The following SLC39A5 variants were observed in gnomAD, a reference collection of about 807,000 sequenced individuals.
SLC39A5 encodes solute carrier family 39 member 5.
A neutral mutation model predicts 46.9 loss-of-function variants in SLC39A5; 42 were observed. The ratio of observed to expected loss-of-function variants is 0.90; its 90% confidence interval spans 0.70 to 1.16. SLC39A5 has a LOEUF of 1.16. Among genes scored for constraint, SLC39A5 ranks in the 50% most tolerant of loss-of-function variants. The pLI, the probability that SLC39A5 is intolerant of heterozygous loss-of-function variation, is 0.00. For synonymous variants in SLC39A5, 311 were observed against 323.1 expected, an observed-to-expected ratio of 0.96 and a Z score of 0.40; for missense variants, 677 against 686.8, an observed-to-expected ratio of 0.99 and a Z score of 0.16.
rs1171563863 is a variant in SLC39A5 at position 56,231,173 on chromosome 12, C to T, written c.-71-31C>T. The T allele has an allele frequency of 9.0e-6, 12 of 1,329,434 alleles. No individual in the cohort carries two copies. In the African/African-American group the frequency reaches 1.0e-4, roughly 11 times the overall value. The allele number at this position is 1,329,434 out of a possible 1,614,324, so 82.4% of individuals were successfully genotyped here. A position where few individuals can be genotyped will look rare whatever the true frequency, so the allele number is the denominator to read the frequency against. The stretch of plus-strand genomic sequence containing the variant: ...CATGGACCTGAGCTGGAGAGCAGAG[C>T]GCAGCTCCAGCCCATTCCTCATTCT... On this transcript the variant is annotated intron_variant, in intron 3 of 12. Transcript: ENST00000454355.
intron 4 of SLC39A5, among the ~76,000 whole-genome samples, chr12:56,231,832 C>G (rs950662172): frequency 2.0e-5 from 3 of 152,056 alleles, no homozygotes; most frequent in Admixed American, 2.0e-4. Context: ...CTGAAGCCAT[C>G]CTCCCACCTC....
chr12:56,236,840 G>A (rs1186054909), intron 10 of SLC39A5, 91 bp from the exon 11 acceptor site: 8 of 1,586,016 alleles, frequency 5.0e-6, no homozygotes, highest in Non-Finnish European at 6.9e-6. Flanking sequence ...CAGGAAGATG[G>A]GGAGAGGACG....
In SLC39A5 at chr12:56,237,760, C is replaced by T; in HGVS notation, c.*29C>T. ...GGCCAGTGGAAAGGGGTCGGGTTGCCCTTCCTTCCCCCCAACCACAGGAAT... is the reference window on the plus strand; with the variant it reads ...GGCCAGTGGAAAGGGGTCGGGTTGCTCTTCCTTCCCCCCAACCACAGGAAT... On this transcript the variant is annotated 3_prime_UTR_variant, in exon 13 of 13. Coordinates refer to ENST00000454355, the MANE Select transcript of SLC39A5 (RefSeq NM_173596.3). The T allele has an allele frequency of 6.6e-7, 1 of 1,507,506 alleles. No homozygotes were observed. Among genetic ancestry groups the T allele is most frequent in the South Asian group, 1.3e-5 (1 of 74,588 alleles). The allele number at this position is 1,507,506 out of a possible 1,614,324, so 93.4% of individuals were successfully genotyped here.
Position 56,237,789 on chromosome 12 carries a change from G to A in SLC39A5, c.*58G>A. 4 of 1,497,472 alleles carry A rather than the reference G, an allele frequency of 2.7e-6. No individual in the cohort carries two copies. Among genetic ancestry groups the A allele is most frequent in the Non-Finnish European group, 3.6e-6 (4 of 1,125,538 alleles). The allele number at this position is 1,497,472 out of a possible 1,614,324, so 92.8% of individuals were successfully genotyped here. A position where few individuals can be genotyped will look rare whatever the true frequency, so the allele number is the denominator to read the frequency against. ...CCTTCCCCCCAACCACAGGAATGGA[G>A]GCGGGACACAGGGCCAGTAGGAGCA... On this transcript the variant is annotated 3_prime_UTR_variant, in exon 13 of 13. Coordinates refer to ENST00000454355, the MANE Select transcript of SLC39A5 (RefSeq NM_173596.3).
intron 4 of SLC39A5, among the ~76,000 whole-genome samples, chr12:56,232,031 C>T (rs1375174751): frequency 3.3e-5 from 5 of 152,198 alleles, no homozygotes; most frequent in South Asian, 4.1e-4. Context: ...CACCCTAGCC[C>T]TCCGTTGCCT....
intron 5 of SLC39A5, among the ~76,000 whole-genome samples, chr12:56,233,483 A>T (rs1370304088): frequency 1.3e-5 from 2 of 151,864 alleles, no homozygotes; most frequent in African/African-American, 2.4e-5. Flanking sequence ...AAAAATAAAA[A>T]AAAAATATCT....
intron 8 of SLC39A5, 87 bp downstream of exon 8, chr12:56,235,787 G>A: frequency 6.4e-7 from 1 of 1,565,226 alleles, no homozygotes; most frequent in Non-Finnish European, 8.7e-7. Context: ...GCTCACGCCT[G>A]TAATCCCAGC....
At position 56,235,258 on chromosome 12, in the gene SLC39A5, C is replaced by T. The variant is rs1212507813; in HGVS notation, c.736C>T (p.Leu246=). ...LLGPRLLRPL[L]GFLGALAVGT... ...GGGACCTCGTCTACTACGGCCCTTG[C>T]TGGGCTTCCTGGGGGCCCTGGCGGT... The change falls in exon 7 of 13, where the codon CTG becomes TTG. Residue 246 remains leucine (L), a synonymous_variant. Transcript: ENST00000454355. 1.3e-6 allele frequency: 2 copies of T among 1,575,624 alleles called. No homozygotes were observed. Among genetic ancestry groups the T allele is most frequent in the Admixed American group, 3.8e-5 (2 of 53,182 alleles).
At chr12:56,233,031 G>A (rs183098441) in intron 5 of SLC39A5, among the ~76,000 whole-genome samples, 159 bp downstream of exon 5, 85 of 152,228 alleles carry the variant, frequency 5.6e-4, no homozygotes, top group African/African-American at 2.0e-3. Flanking sequence ...GGAGGCCGAG[G>A]TGGGTGGATC....
Position 56,234,923 on chromosome 12 carries a change from C to A in SLC39A5, c.571C>A (p.Gln191Lys). The A allele has an allele frequency of 6.2e-7, 1 of 1,613,762 alleles. No individual in the cohort carries two copies. The change falls in exon 6 of 13, where the codon CAG becomes AAG. Residue 191 changes from glutamine to lysine, a missense_variant. By Grantham distance (53) the Gln-to-Lys change is moderately conservative. Coordinates refer to ENST00000454355, the MANE Select transcript of SLC39A5 (RefSeq NM_173596.3). ...FALLCPALLY[Q>K]IDSRVCIGAP... ...TCTGCTGTGCCCAGCCCTGCTTTAT[C>A]AGATCGACAGCCGCGTCTGCATCGG...
At chr12:56,231,705 A>C in intron 4 of SLC39A5, 144 bp downstream of exon 4, 5 of 776,522 alleles carry the variant, frequency 6.4e-6, no homozygotes, top group African/African-American at 1.8e-5. Flanking sequence ...TCTCTTCAAA[A>C]CCTCTCATGC....
chr12:56,231,245 A>G lies in SLC39A5; in HGVS notation c.-30A>G, dbSNP rs1368160229. On this transcript the variant is annotated 5_prime_UTR_variant, in exon 4 of 13. Transcript: ENST00000454355. ...TGTTTCGGGGAGAATAGGAGCCAGAACCTGAGCCCCTAAGCTATTCCCCTC... is the reference window on the plus strand; with the variant it reads ...TGTTTCGGGGAGAATAGGAGCCAGAGCCTGAGCCCCTAAGCTATTCCCCTC... 1 of 1,557,576 alleles carries G rather than the reference A, an allele frequency of 6.4e-7. No individual in the cohort carries two copies. Among genetic ancestry groups the G allele is most frequent in the Non-Finnish European group, 8.7e-7 (1 of 1,151,996 alleles).
At chr12:56,232,161 C>CTTTTTTTTTTTTTTT (rs767220492) in intron 4 of SLC39A5, among the ~76,000 whole-genome samples, 1 of 117,248 alleles carries the variant, frequency 8.5e-6, no homozygotes, top group Admixed American at 8.9e-5. Flanking sequence ...CTTTTCTTTT[C>CTTTTTTTTTTTTTTT]TTTTTTTTTT....
rs773394736 is a variant in SLC39A5 at position 56,235,663 on chromosome 12, A to T, written c.908A>T (p.Asn303Ile). The T allele has an allele frequency of 6.2e-7, 1 of 1,614,038 alleles. No individual in the cohort carries two copies. ...CTCTTCCTGCTCTTTGTGCTGGAGA[A>T]CATGCTGGGGCTTTTGCGGCACCGA... The part of the protein sequence containing the change: ...GGLFLLFVLE[N>I]MLGLLRHRGL... Residue 303 changes from asparagine to isoleucine, a missense_variant, in exon 8 of 13, where the codon AAC becomes ATC. By Grantham distance (149) the Asn-to-Ile change is moderately radical (BLOSUM62 -3). Transcript: ENST00000454355.
rs751871759 is a variant in SLC39A5 at position 56,237,688 on chromosome 12, C to G, written c.1580C>G (p.Thr527Ser). 1 of 1,600,046 alleles carries G rather than the reference C, an allele frequency of 6.2e-7. No individual in the cohort carries two copies. The highest frequency in any genetic ancestry group is 8.5e-7 in the Non-Finnish European group (1 of 1,173,790). ...GGGGGCGGCCTCATGCTTGCCATAA[C>G]CCTGCTGGAGGAGCGGCTACTGCCC... is the stretch of plus-strand genomic sequence containing the variant. ...LLGGGLMLAI[T>S]LLEERLLPVT... is the part of the protein sequence containing the mutation. The change falls in exon 13 of 13, where the codon ACC (threonine) becomes AGC (serine). Residue 527 changes from threonine (T) to serine (S), a missense_variant. Coordinates refer to ENST00000454355, the MANE Select transcript of SLC39A5 (RefSeq NM_173596.3).
chr12:56,235,492 A>C (rs901073), intron 7 of SLC39A5, 68 bp from the exon 8 acceptor site: 1,514,859 of 1,558,346 alleles, frequency 0.97, 745,537 homozygotes, highest in East Asian at 1. Flanking sequence ...GGCTTGCCAC[A>C]ATCCATGCAA....
At chr12:56,231,608 T>G in intron 4 of SLC39A5, 47 bp downstream of exon 4, 1 of 1,490,578 alleles carries the variant, frequency 6.7e-7, no homozygotes, top group Non-Finnish European at 8.9e-7. Flanking sequence ...TCCCAGGTCC[T>G]CTCAGTGCTT....
chr12:56,231,555 C>T lies in SLC39A5; in HGVS notation c.281C>T (p.Thr94Ile). 10 of 1,552,916 alleles carry T rather than the reference C, an allele frequency of 6.4e-6. No individual in the cohort carries two copies. The highest frequency in any genetic ancestry group is 8.7e-6 in the Non-Finnish European group (10 of 1,148,030). The change falls in exon 4 of 13, where the codon ACA (threonine) becomes ATA (isoleucine). Residue 94 changes from threonine (T) to isoleucine (I), a missense_variant. Physicochemically the swap from Thr to Ile is moderately conservative, Grantham distance 89. Coordinates refer to ENST00000454355, the MANE Select transcript of SLC39A5 (RefSeq NM_173596.3). ...GCATCCCCAGCTGCAGACAATTCCA[C>T]ACACAGGTACTGACCCCTTCCTCCA... ...RAASPAADNSTHRPQNPELSV... is the reference protein window; with the variant it reads ...RAASPAADNSIHRPQNPELSV...
Position 56,231,450 on chromosome 12 carries a change from C to T in SLC39A5, c.176C>T (p.Ala59Val), listed in dbSNP as rs200706377. 3.0e-5 allele frequency: 49 copies of T among 1,613,900 alleles called. No individual in the cohort carries two copies. Among genetic ancestry groups the T allele is most frequent in the East Asian group, 4.5e-5 (2 of 44,882 alleles). ...GGGACGCTGACTGCAGGGGGCTTGG[C>T]GCGGCTTCTCCACAGCCTGGGGCTA... ...ENGTLTAGGL[A>V]RLLHSLGLGR... Residue 59 changes from alanine (A) to valine (V), a missense_variant, in exon 4 of 13, where the codon GCG (alanine) becomes GTG (valine). Transcript: ENST00000454355.
Sources: allele counts gnomAD v4.1 joint callset (sites outside exome capture counted in the v4.1 genomes callset), GRCh38; gene constraint gnomAD v4.1.1; transcripts MANE v1.5; gene names NCBI Gene and HGNC (gene_info 2026-07-23, HGNC 2026-07-21).